The following STARD13 variants were observed in gnomAD, a reference collection of about 807,000 sequenced individuals.
STARD13 encodes StAR related lipid transfer domain containing 13.
Under a neutral mutation model 106.4 loss-of-function variants are expected in STARD13, and 62 were observed. The ratio of observed to expected loss-of-function variants is 0.58; its 90% CI spans 0.48 to 0.72. The LOEUF (loss-of-function observed/expected upper bound fraction) is 0.72. Ranked by LOEUF, STARD13 falls within the 30% of genes least tolerant of loss-of-function variation. The pLI is 0.00. For synonymous variants in STARD13, 565 were observed against 553.0 expected, an observed-to-expected ratio of 1.02 and a Z score of -0.31; for missense variants, 1,387 against 1,424.0, an observed-to-expected ratio of 0.97 and a Z score of 0.42.
the STARD13 span, among the ~76,000 whole-genome samples, chr13:33,550,037 A>G: frequency 1.3e-5 from 2 of 152,182 alleles, no homozygotes; most frequent in Non-Finnish European, 2.9e-5. Flanking sequence ...ATCCAAGAAC[A>G]CCCTAGTCAC....
At chr13:33,308,680 C>T (rs9537112) in intron 1 of STARD13, among the ~76,000 whole-genome samples, 87,016 of 151,680 alleles carry the variant, frequency 0.57, 27,043 homozygotes, top group Non-Finnish European at 0.69. Context: ...CCCACCACCA[C>T]GTCCAGCTAA....
chr13:33,133,100 T>A (rs1878551396), intron 4 of STARD13, among the ~76,000 whole-genome samples: 1 of 152,186 alleles, frequency 6.6e-6, no homozygotes, highest in South Asian at 2.1e-4. Context: ...AAAATATAGA[T>A]ATTTTAAAAC....
At chr13:33,325,810 T>C (rs543677975) in intron 1 of STARD13, among the ~76,000 whole-genome samples, 152 of 151,778 alleles carry the variant, frequency 1.0e-3, no homozygotes, top group African/African-American at 3.5e-3. Context: ...CTGGCTAACA[T>C]GGTAAAACCC....
chr13:33,181,864 G>A (rs1331412296), intron 1 of STARD13, among the ~76,000 whole-genome samples: 5 of 152,102 alleles, frequency 3.3e-5, no homozygotes, highest in Non-Finnish European at 7.4e-5. Context: ...TTCCAAGTGC[G>A]CACAGTAATG....
chr13:33,523,660 A>C, the STARD13 span, among the ~76,000 whole-genome samples: 1 of 152,158 alleles, frequency 6.6e-6, no homozygotes, highest in South Asian at 2.1e-4. Flanking sequence ...TAAAACGTCT[A>C]TAGAAAAGGT....
chr13:33,623,450 A>G, the STARD13 span, among the ~76,000 whole-genome samples: 1 of 145,198 alleles, frequency 6.9e-6, no homozygotes, highest in African/African-American at 2.7e-5. Flanking sequence ...AAAAAAAAAA[A>G]AAAGTCTGCT....
intron 12 of STARD13, among the ~76,000 whole-genome samples, chr13:33,108,110 G>C (rs6561722): frequency 0.031 from 4,659 of 152,292 alleles, 230 homozygotes; most frequent in African/African-American, 0.11. Context: ...GGGATAAATG[G>C]GAGAATCTCC....
chr13:33,288,264 G>T (rs185518320), upstream of STARD13, among the ~76,000 whole-genome samples: 1 of 152,142 alleles, frequency 6.6e-6, no homozygotes. Flanking sequence ...TAAAGAGCAA[G>T]AATTGAATTT....
At chr13:33,274,809 G>A (rs1289169694) in intron 1 of STARD13, among the ~76,000 whole-genome samples, 1 of 152,068 alleles carries the variant, frequency 6.6e-6, no homozygotes, top group Admixed American at 6.6e-5. Flanking sequence ...GGGTTCTAAG[G>A]AATACAGTTT....
At chr13:33,335,247 T>A (rs933328308) in intron 1 of STARD13, 2 of 152,232 alleles carry the variant, frequency 1.3e-5, no homozygotes, top group African/African-American at 4.8e-5. Flanking sequence ...ATTACATTCA[T>A]AGACTAACAC....
the STARD13 span, among the ~76,000 whole-genome samples, chr13:33,499,648 C>CTCCTTCTT: frequency 1.4e-5 from 1 of 69,674 alleles, no homozygotes; most frequent in Non-Finnish European, 2.8e-5. Context: ...TTCTTCTTCT[C>CTCCTTCTT]CTTCTTCTTC....
intron 1 of STARD13, among the ~76,000 whole-genome samples, chr13:33,216,437 A>G (rs1269626019): frequency 6.6e-6 from 1 of 152,230 alleles, no homozygotes; most frequent in Non-Finnish European, 1.5e-5. Context: ...ATTAGAGACT[A>G]TTAATCTAAG....
At chr13:33,254,240 T>G (rs546506486) in intron 1 of STARD13, among the ~76,000 whole-genome samples, 1 of 152,262 alleles carries the variant, frequency 6.6e-6, no homozygotes, top group Admixed American at 6.5e-5. Flanking sequence ...AAGAGGATAA[T>G]TTGTACACCT....
chr13:33,660,334 T>C, the STARD13 span, among the ~76,000 whole-genome samples: 2 of 152,242 alleles, frequency 1.3e-5, no homozygotes, highest in Non-Finnish European at 2.9e-5. Flanking sequence ...CAGTTAGAAC[T>C]TCTCTAAATT....
intron 1 of STARD13, among the ~76,000 whole-genome samples, chr13:33,193,500 AC>A (rs1421304423): frequency 6.6e-6 from 1 of 152,162 alleles, no homozygotes; most frequent in African/African-American, 2.4e-5. Flanking sequence ...ATTATCTCTC[AC>A]CCTCATGACA....
At chr13:33,297,198 A>T (rs563386667) in intron 1 of STARD13, among the ~76,000 whole-genome samples, 1 of 152,218 alleles carries the variant, frequency 6.6e-6, no homozygotes, top group East Asian at 1.9e-4. Context: ...CACCATAATC[A>T]CACTGTGTCT....
intron 1 of STARD13, among the ~76,000 whole-genome samples, chr13:33,256,889 G>A (rs73458247): frequency 0.078 from 11,821 of 152,186 alleles, 785 homozygotes; most frequent in African/African-American, 0.18. Context: ...GAACCACAAT[G>A]TTTGCAGTGG....
At chr13:33,539,833 T>G in the STARD13 span, among the ~76,000 whole-genome samples, 3 of 152,132 alleles carry the variant, frequency 2.0e-5, no homozygotes, top group African/African-American at 7.2e-5. Flanking sequence ...ATATACAACT[T>G]ACAAACAAAA....
At chr13:33,471,285 G>A in the STARD13 span, among the ~76,000 whole-genome samples, 2 of 152,188 alleles carry the variant, frequency 1.3e-5, no homozygotes, top group South Asian at 4.1e-4. Context: ...GCCACATAGA[G>A]AGTAGCAGAG....
Sources: gnomAD v4.1 joint callset for allele counts (sites outside exome capture counted in the v4.1 genomes callset) on GRCh38, gnomAD v4.1.1 for gene constraint, MANE v1.5 for transcripts, NCBI Gene and HGNC (gene_info 2026-07-23, HGNC 2026-07-21) for gene names.